PRSS36: variants seen among roughly 807,000 people sequenced by gnomAD.
PRSS36 encodes the protein polyserase-2.
PRSS36 carries 90 observed loss-of-function variants against 94.3 expected under a neutral mutation model. The ratio of observed to expected loss-of-function variants is 0.95; its 90% CI spans 0.80 to 1.14. The LOEUF (loss-of-function observed/expected upper bound fraction) is 1.14. Ranked by LOEUF, PRSS36 falls within the 50% of genes most tolerant of loss-of-function variation. The pLI is 0.00. For synonymous variants in PRSS36, 500 were observed against 489.6 expected (o/e 1.02, Z -0.28); for missense variants, 1,158 against 1,135.0 (o/e 1.02, Z -0.29).
rs773463105 is a variant in PRSS36 at position 31,141,648 on chromosome 16, T to A, written c.1760-38A>T. ...GGTGGCCACCTCAGTTGGGGCCCCA[T>A]GGCTGACCCCTGAGCCCCTGCCATG... is the stretch of plus-strand genomic sequence containing the variant. On this transcript the variant is annotated intron_variant, in intron 11 of 14. Coordinates refer to ENST00000268281, the MANE Select transcript of PRSS36 (RefSeq NM_173502.5). 3.7e-6 allele frequency: 6 copies of A among 1,610,078 alleles called. No homozygotes were observed. In the South Asian group the frequency reaches 6.6e-5, roughly 18 times the overall value.
intron 5 of PRSS36, among the ~76,000 whole-genome samples, chr16:31,146,349 T>C (rs889633997): frequency 6.6e-5 from 10 of 151,232 alleles, no homozygotes; most frequent in Admixed American, 5.3e-4. Flanking sequence ...CTGGGTGTCA[T>C]CCCTGTCTCC....
chr16:31,144,790 CAATA>C (rs1456174318), intron 6 of PRSS36, among the ~76,000 whole-genome samples: 3 of 151,396 alleles, frequency 2.0e-5, no homozygotes. Flanking sequence ...AACTCTGTCT[CAATA>C]AATAAATAAA....
rs2057746851 is a variant in PRSS36, at chr16:31,143,443, G to C, written c.999C>G (p.Ala333=). 6.2e-7 allele frequency: 1 copy of C among 1,611,326 alleles called. No individual in the cohort carries two copies. The highest frequency in any genetic ancestry group is 8.5e-7 in the Non-Finnish European group (1 of 1,178,916). ...PECGKAPRPG[A]WPWEAQVMVP... ...CCATCACCTGGGCCTCCCAGGGCCA[G>C]GCCCCTGGCCGCGGGGCCTTCCCGC... Residue 333 remains alanine, a synonymous_variant, in exon 8 of 15, where the codon GCC becomes GCG. Coordinates refer to ENST00000268281, the MANE Select transcript of PRSS36 (RefSeq NM_173502.5).
At chr16:31,146,105 G>A in intron 5 of PRSS36, 150 bp from the exon 6 acceptor site, 1 of 683,166 alleles carries the variant, frequency 1.5e-6, no homozygotes, top group South Asian at 2.0e-5. Context: ...ATCTCCTCCT[G>A]CTTCTATCTG....
At position 31,139,264 on chromosome 16, in the gene PRSS36, G is replaced by A. The variant is rs769155487; in HGVS notation, c.2442C>T (p.Pro814=). Residue 814 remains proline (P), a synonymous_variant, in exon 15 of 15, where the codon CCC becomes CCT. Transcript: ENST00000268281. ...SQTVGEANFL[P]PSGSPHWPTG... ...TGGGCCAGTGTGGGGAGCCACTGGG[G>A]GGCAGGAAGTTGGCCTCTCCCACTG... The A allele has an allele frequency of 1.2e-6, 2 of 1,614,150 alleles. No homozygotes were observed. Among genetic ancestry groups the A allele is most frequent in the Admixed American group, 3.3e-5 (2 of 60,024 alleles).
rs1161108353 is a variant in PRSS36, at chr16:31,141,461, A to G, written c.1901+8T>C. Reference sequence around the variant, plus strand: ...CCGTCTCTCGCCTAGGAGACGAGTGAGACCCACCTGAGGACACAGTGAGTG... The same window carrying G: ...CCGTCTCTCGCCTAGGAGACGAGTGGGACCCACCTGAGGACACAGTGAGTG... On this transcript the variant is annotated splice_region_variant and intron_variant, in intron 12 of 14. Transcript: ENST00000268281. 1.2e-6 allele frequency: 2 copies of G among 1,602,922 alleles called. No homozygotes were observed.
chr16:31,145,709 G>C (rs1319876816), intron 6 of PRSS36, 80 bp downstream of exon 6: 87 of 1,406,342 alleles, frequency 6.2e-5, no homozygotes, highest in Non-Finnish European at 8.4e-5. Context: ...TGCAGATGAG[G>C]CTTGGAGAGA....
rs2144032861 is a variant in PRSS36, at chr16:31,143,671, C to A, written c.887G>T (p.Gly296Val). 1 of 1,614,176 alleles carries A rather than the reference C, an allele frequency of 6.2e-7. No homozygotes were observed. The highest frequency in any genetic ancestry group is 1.1e-5 in the South Asian group (1 of 91,090). Residue 296 changes from glycine (G) to valine (V), a missense_variant, in exon 7 of 15, where the codon GGG (glycine) becomes GTG (valine). Coordinates refer to ENST00000268281, the MANE Select transcript of PRSS36 (RefSeq NM_173502.5). ...CTGGGGCTGGGTGGGAAAGGCAGGCCCAGGCTCTGAACCCATCACCTGCTC... is the reference window on the plus strand; with the variant it reads ...CTGGGGCTGGGTGGGAAAGGCAGGCACAGGCTCTGAACCCATCACCTGCTC... ...IREQVMGSEP[G>V]PAFPTQPQKT...
intron 6 of PRSS36, 134 bp from the exon 7 acceptor site, chr16:31,143,971 T>G (rs1237407820): frequency 9.1e-7 from 1 of 1,102,372 alleles, no homozygotes; most frequent in Non-Finnish European, 1.3e-6. Context: ...CCTTGTCCTC[T>G]GCATTCCCTG....
In PRSS36 at chr16:31,145,897, G is replaced by A. The variant is rs750613945; in HGVS notation, c.612C>T (p.Ala204=). 3.1e-6 allele frequency: 5 copies of A among 1,614,030 alleles called. No individual in the cohort carries two copies. The highest frequency in any genetic ancestry group is 8.5e-7 in the Non-Finnish European group (1 of 1,179,964). The change falls in exon 6 of 15, where the codon GCC becomes GCT. Residue 204 remains alanine (A), a synonymous_variant. Coordinates refer to ENST00000268281, the MANE Select transcript of PRSS36 (RefSeq NM_173502.5). The stretch of plus-strand genomic sequence containing the variant: ...GCTGGCTGTAGAGACATTGACAGGT[G>A]GCCTCGCCCAGCAGCCTTAGCTCCA... The part of the protein sequence containing the change: ...QEVELRLLGE[A]TCQCLYSQPG...
In PRSS36 at chr16:31,141,604, C is replaced by A; in HGVS notation, c.1766G>T (p.Gly589Val). 6.2e-7 allele frequency: 1 copy of A among 1,613,370 alleles called. No homozygotes were observed. Among genetic ancestry groups the A allele is most frequent in the South Asian group, 1.1e-5 (1 of 91,046 alleles). The change falls in exon 12 of 15, where the codon GGC (glycine) becomes GTC (valine). Residue 589 changes from glycine (G) to valine (V), a missense_variant. Transcript: ENST00000268281. The part of the protein sequence containing the change: ...CPPHTEHGAC[G>V]LRLEAAPVGV... ...CACTGGAGCAGCCTCCAGCCGCAGG[C>A]CACAGGCTAGGGAGAGGAGGTGGCC...
Position 31,143,808 on chromosome 16 carries a change from C to T in PRSS36, c.750G>A (p.Glu250=), listed in dbSNP as rs768187440. 65 of 1,613,734 alleles carry T rather than the reference C, an allele frequency of 4.0e-5. 1 individual carries two copies. The highest frequency in any genetic ancestry group is 6.7e-5 in the Admixed American group (4 of 60,004). The stretch of plus-strand genomic sequence containing the variant: ...CTGCCTGGAACCAGCGGCCGCCTTC[C>T]TCACAGACCAGGGGCCCCCCAGAGT... ...QGDSGGPLVC[E]EGGRWFQAGI... The change falls in exon 7 of 15, where the codon GAG becomes GAA. Residue 250 remains glutamate, a synonymous_variant. Coordinates refer to ENST00000268281, the MANE Select transcript of PRSS36 (RefSeq NM_173502.5).
At chr16:31,143,900 C>T (rs1202100445) in intron 6 of PRSS36, 63 bp from the exon 7 acceptor site, 1 of 1,595,196 alleles carries the variant, frequency 6.3e-7, no homozygotes, top group African/African-American at 1.3e-5. Context: ...AGGTCCTGCA[C>T]CTCCTTTTGG....
Position 31,142,495 on chromosome 16 carries a change from C to T in PRSS36, c.1507G>A (p.Val503Met). Reference sequence around the variant, plus strand: ...CCGCCGCTTACCCAGCAGCTGCCCACCTCCTCCTTTTCCTGGTAGGCAGGG... The same window carrying T: ...CCGCCGCTTACCCAGCAGCTGCCCATCTCCTCCTTTTCCTGGTAGGCAGGG... The part of the protein sequence containing the change: ...LCPAYQEKEE[V>M]GSCWNDSRWS... The change falls in exon 10 of 15, where the codon GTG (valine) becomes ATG (methionine). Residue 503 changes from valine (V) to methionine (M), a missense_variant. By Grantham distance (21) the Val-to-Met change is conservative (BLOSUM62 1). Transcript: ENST00000268281. 1 of 1,487,620 alleles carries T rather than the reference C, an allele frequency of 6.7e-7. No homozygotes were observed. 92.2% of individuals were successfully genotyped at this position (1,487,620 alleles called of 1,614,324 possible).
At chr16:31,142,138 T>C (rs2057705108) in intron 10 of PRSS36, among the ~76,000 whole-genome samples, 178 bp from the exon 11 acceptor site, 1 of 152,078 alleles carries the variant, frequency 6.6e-6, no homozygotes, top group Middle Eastern at 3.4e-3. Context: ...TTTAAGATTC[T>C]CCTTAAATCC....
Position 31,142,771 on chromosome 16 carries a change from C to T in PRSS36, c.1323G>A (p.Gly441=), listed in dbSNP as rs1344809304. The T allele has an allele frequency of 6.3e-6, 9 of 1,428,574 alleles. No individual in the cohort carries two copies. The highest frequency in any genetic ancestry group is 3.0e-5 in the East Asian group (1 of 33,388). 88.5% of individuals were successfully genotyped at this position (1,428,574 alleles called of 1,614,324 possible). ...LPHPEHYFLP[G]SRCRLARWGR... ...CCCAGCGGGCCAGGCGGCAGCGGCTCCCGGGCAGGAAGTAGTGTTCCGGGT... is the reference window on the plus strand; with the variant it reads ...CCCAGCGGGCCAGGCGGCAGCGGCTTCCGGGCAGGAAGTAGTGTTCCGGGT... Residue 441 remains glycine, a synonymous_variant, in exon 9 of 15, where the codon GGG becomes GGA. Coordinates refer to ENST00000268281, the MANE Select transcript of PRSS36 (RefSeq NM_173502.5).
intron 6 of PRSS36, among the ~76,000 whole-genome samples, chr16:31,145,229 T>C (rs892629985): frequency 2.6e-5 from 4 of 150,964 alleles, no homozygotes; most frequent in Non-Finnish European, 4.4e-5. Context: ...AAAAATTAGC[T>C]GGGCGTCGTG....
intron 14 of PRSS36, 56 bp downstream of exon 14, chr16:31,140,238 C>CAGTA (rs1341973791): frequency 6.5e-7 from 1 of 1,541,678 alleles, no homozygotes; most frequent in Non-Finnish European, 8.7e-7. Flanking sequence ...CTCTAGGGTA[C>CAGTA]AGTAGTCCAA....
intron 8 of PRSS36, 131 bp downstream of exon 8, chr16:31,143,211 G>A (rs1305788190): frequency 6.3e-6 from 9 of 1,428,164 alleles, no homozygotes; most frequent in Non-Finnish European, 8.5e-6. Flanking sequence ...CTCTTTTTGT[G>A]CTGGATCCTA....
Sources: gnomAD v4.1 joint callset for allele counts (sites outside exome capture counted in the v4.1 genomes callset) on GRCh38, gnomAD v4.1.1 for gene constraint, MANE v1.5 for transcripts, NCBI Gene and HGNC (gene_info 2026-07-23, HGNC 2026-07-21) for gene names.